NUAK1: variants seen among roughly 807,000 people sequenced by gnomAD.
NUAK1 encodes NUAK family SNF1-like kinase 1.
NUAK1 carries 26 observed loss-of-function variants against 56.9 expected under a neutral mutation model. That is an observed-to-expected ratio of 0.46 (90% CI 0.33 to 0.63). NUAK1 has a LOEUF of 0.63. Ranked by LOEUF, NUAK1 falls within the 30% of genes least tolerant of loss-of-function variation. The pLI is 0.02. For synonymous variants in NUAK1, 337 were observed against 336.0 expected (o/e 1.00, Z -0.03); for missense variants, 727 against 876.1 (o/e 0.83, Z 2.15).
rs2032311097 is a variant in NUAK1, at chr12:106,064,339, A to C, written c.*2463T>G. The C allele has an allele frequency of 6.6e-6, 1 of 152,244 alleles. No individual in the cohort carries two copies. The highest frequency in any genetic ancestry group is 2.4e-5 in the African/African-American group (1 of 41,456). 9.4% of individuals were successfully genotyped at this position (152,244 alleles called of 1,614,324 possible). A position where few individuals can be genotyped will look rare whatever the true frequency, so the allele number is the denominator to read the frequency against. On this transcript the variant is annotated 3_prime_UTR_variant, in exon 7 of 7. Transcript: ENST00000261402. Reference sequence around the variant, plus strand: ...TAAGCGGGGCTTCAGGTACCAGCTAATTCATCCCTCCAGCCCTCACTGGAA... The same window carrying C: ...TAAGCGGGGCTTCAGGTACCAGCTACTTCATCCCTCCAGCCCTCACTGGAA...
chr12:106,074,269 T>G (rs960508025), intron 4 of NUAK1, among the ~76,000 whole-genome samples: 13 of 152,174 alleles, frequency 8.5e-5, no homozygotes, highest in African/African-American at 2.9e-4. Context: ...TAAACTTAGT[T>G]GCCACTTTTT....
chr12:106,109,566 A>G (rs1051430839), intron 1 of NUAK1, among the ~76,000 whole-genome samples: 5 of 151,992 alleles, frequency 3.3e-5, no homozygotes, highest in Non-Finnish European at 5.9e-5. Flanking sequence ...AAAAAAAAAA[A>G]AAAAAAAAGA....
chr12:106,067,273 G>A lies in NUAK1; in HGVS notation c.1515C>T (p.Ser505=), dbSNP rs1235985310. Residue 505 remains serine, a synonymous_variant, in exon 7 of 7, where the codon AGC becomes AGT. Transcript: ENST00000261402. This position sits in a 1 kb window ranked among gnomAD's most constrained non-coding sequence, Gnocchi z 6.0. ...DVMGSSIPSP[S]PPDPARVTSH... ...AGGTTACCCTGGCTGGGTCCGGGGG[G>A]CTGGGGGAGGGGATGCTGCTGCCCA... 1.9e-6 allele frequency: 3 copies of A among 1,614,144 alleles called. No individual in the cohort carries two copies. The highest frequency in any genetic ancestry group is 2.2e-5 in the East Asian group (1 of 44,864).
At chr12:106,074,372 C>T (rs1171196748) in intron 4 of NUAK1, among the ~76,000 whole-genome samples, 1 of 152,202 alleles carries the variant, frequency 6.6e-6, no homozygotes, top group Admixed American at 6.5e-5. Context: ...GAATGCCTTT[C>T]ATGCCTAAAA....
chr12:106,118,680 C>A (rs1202677373), intron 1 of NUAK1, among the ~76,000 whole-genome samples: 1 of 152,216 alleles, frequency 6.6e-6, no homozygotes, highest in Admixed American at 6.5e-5. Context: ...CGGAACCCCG[C>A]CAAGCTGCTT....
intron 4 of NUAK1, among the ~76,000 whole-genome samples, chr12:106,081,244 C>T (rs985259124): frequency 7.7e-6 from 1 of 129,722 alleles, no homozygotes; most frequent in Non-Finnish European, 1.6e-5. Flanking sequence ...TGATCGTGGG[C>T]ATTATCCTCT....
At position 106,138,734 on chromosome 12, in the gene NUAK1, C is replaced by T. The variant is rs1028547279; in HGVS notation, c.-81G>A. On this transcript the variant is annotated 5_prime_UTR_variant, in exon 1 of 7. Transcript: ENST00000261402. This position sits in a 1 kb window ranked among gnomAD's most constrained non-coding sequence, Gnocchi z 5.0. ...ATGTCGGGGTCCCCACCGAGGGAAG[C>T]CGCTGTACGCTCAAGGTCGCCCCCG... The T allele has an allele frequency of 1.5e-5, 21 of 1,423,924 alleles. No homozygotes were observed. Among genetic ancestry groups the T allele is most frequent in the Non-Finnish European group, 1.7e-5 (19 of 1,095,240 alleles). The allele number at this position is 1,423,924 out of a possible 1,614,324, so 88.2% of individuals were successfully genotyped here.
At chr12:106,101,927 G>C (rs1459961273) in intron 2 of NUAK1, among the ~76,000 whole-genome samples, 1 of 152,168 alleles carries the variant, frequency 6.6e-6, no homozygotes, top group Non-Finnish European at 1.5e-5. Context: ...ATGGGATCCT[G>C]GGACTGTGGT....
chr12:106,122,716 C>T (rs1317158351), intron 1 of NUAK1, among the ~76,000 whole-genome samples: 1 of 152,174 alleles, frequency 6.6e-6, no homozygotes, highest in East Asian at 1.9e-4. Context: ...CATGGACTTC[C>T]CCCATCACAT....
intron 4 of NUAK1, among the ~76,000 whole-genome samples, chr12:106,080,061 A>T (rs555109416): frequency 6.6e-6 from 1 of 152,260 alleles, no homozygotes; most frequent in Admixed American, 6.5e-5. Flanking sequence ...CAACACATGA[A>T]TTGATTAATT....
chr12:106,092,013 T>C (rs959680511), intron 2 of NUAK1, among the ~76,000 whole-genome samples: 1 of 151,722 alleles, frequency 6.6e-6, no homozygotes, highest in Non-Finnish European at 1.5e-5. Flanking sequence ...CTGGTCAACA[T>C]AGCGAGACCT....
At chr12:106,102,355 T>C (rs958897826) in intron 2 of NUAK1, among the ~76,000 whole-genome samples, 3 of 152,184 alleles carry the variant, frequency 2.0e-5, no homozygotes, top group Non-Finnish European at 4.4e-5. Context: ...GGCAGAACTT[T>C]CTATGAAGAT....
chr12:106,072,780 T>G lies in NUAK1; in HGVS notation c.643A>C (p.Ser215Arg). Reference sequence around the variant, plus strand: ...ATCTCAGGAGATGCATAGAGTGGACTCCCACAAAACGTTTGTAAGAACTTA... The same window carrying G: ...ATCTCAGGAGATGCATAGAGTGGACGCCCACAAAACGTTTGTAAGAACTTA... The part of the protein sequence containing the change: ...KDKFLQTFCG[S>R]PLYASPEIVN... The change falls in exon 5 of 7, where the codon AGT becomes CGT. Residue 215 changes from serine to arginine, a missense_variant. Coordinates refer to ENST00000261402, the MANE Select transcript of NUAK1 (RefSeq NM_014840.3). The G allele has an allele frequency of 6.2e-7, 1 of 1,614,056 alleles. No individual in the cohort carries two copies. Among genetic ancestry groups the G allele is most frequent in the Non-Finnish European group, 8.5e-7 (1 of 1,179,974 alleles).
intron 2 of NUAK1, among the ~76,000 whole-genome samples, chr12:106,097,926 A>G (rs2032710881): frequency 6.6e-6 from 1 of 152,208 alleles, no homozygotes; most frequent in South Asian, 2.1e-4. Context: ...TTCCAGGGGC[A>G]CAGGATGGAG....
At chr12:106,087,600 G>C (rs1382087222) in intron 2 of NUAK1, among the ~76,000 whole-genome samples, 2 of 152,192 alleles carry the variant, frequency 1.3e-5, no homozygotes, top group African/African-American at 4.8e-5. Flanking sequence ...AGGCATTTCT[G>C]AACATTAATA....
rs565579507 is a variant in NUAK1, at chr12:106,083,097, C to T, written c.579+767G>A. ...TGGGCCAGGAGAACTTTCTCCAGCT[C>T]CAGCAGCAGCCAGCAATAATACTCT... On this transcript the variant is annotated intron_variant, in intron 4 of 6. Transcript: ENST00000261402. 3.3e-5 allele frequency among the ~76,000 whole-genome samples: 5 copies of T among 152,216 alleles called. No individual in the cohort carries two copies. In the South Asian group the frequency reaches 1.0e-3, roughly 31 times the overall value.
Position 106,066,814 on chromosome 12 carries a change from G to C in NUAK1, c.1974C>G (p.Ser658Arg). The change falls in exon 7 of 7, where the codon AGC becomes AGG. Residue 658 changes from serine (S) to arginine (R), a missense_variant. Coordinates refer to ENST00000261402, the MANE Select transcript of NUAK1 (RefSeq NM_014840.3). ...GCGCCCTGGAATGCTAGTTGAGCTT[G>C]CTGCAGATCTCCAGCGCTTGCTTGT... ...QVYKQALEICSKLN is the reference protein window; with the variant it reads ...QVYKQALEICRKLN 6 of 1,607,896 alleles carry C rather than the reference G, an allele frequency of 3.7e-6. No homozygotes were observed. Among genetic ancestry groups the C allele is most frequent in the Non-Finnish European group, 5.1e-6 (6 of 1,175,396 alleles).
intron 1 of NUAK1, among the ~76,000 whole-genome samples, chr12:106,110,728 G>A (rs1038055735): frequency 6.6e-6 from 1 of 152,170 alleles, no homozygotes; most frequent in Non-Finnish European, 1.5e-5. Flanking sequence ...ACAGTACCAT[G>A]TGCCTTATAA....
intron 4 of NUAK1, among the ~76,000 whole-genome samples, chr12:106,081,627 T>C (rs2032519064): frequency 6.6e-6 from 1 of 152,240 alleles, no homozygotes; most frequent in Non-Finnish European, 1.5e-5. Flanking sequence ...AATGAAGCCA[T>C]TCTCCTGGGC....
Sources: gnomAD v4.1 joint callset for allele counts (sites outside exome capture counted in the v4.1 genomes callset) on GRCh38, gnomAD v4.1.1 for gene constraint, Gnocchi (gnomAD v3.1) non-coding constraint, MANE v1.5 for transcripts, NCBI Gene and HGNC (gene_info 2026-07-23, HGNC 2026-07-21) for gene names.